Variants in TANC2 observed in about 807,000 individuals in gnomAD.
The protein encoded by TANC2 is protein TANC2.
Under a neutral mutation model 210.5 loss-of-function variants are expected in TANC2, and 26 were observed. That is an observed-to-expected ratio of 0.12 (90% CI 0.09 to 0.17). The LOEUF is 0.17. Ranked by LOEUF, TANC2 falls within the 10% of genes least tolerant of loss-of-function variation. The pLI is 1.00. For synonymous variants in TANC2, 931 were observed against 967.1 expected (o/e 0.96, Z 0.69); for missense variants, 2,129 against 2,608.9 (o/e 0.82, Z 4.01).
intron 2 of TANC2, among the ~76,000 whole-genome samples, chr17:63,067,148 CATTCATAATGTCCGG>C (rs1351717958): frequency 2.0e-5 from 3 of 152,166 alleles, no homozygotes; most frequent in African/African-American, 4.8e-5. Context: ...TAACTCAAAA[CATTCATAATGTCCGG>C]ATGCAACCAA....
intron 27 of TANC2, 47 bp from the exon 28 acceptor site, chr17:63,419,952 T>C: frequency 6.7e-7 from 1 of 1,484,358 alleles, no homozygotes; most frequent in South Asian, 1.4e-5. Flanking sequence ...GTGATTTCTC[T>C]GGATTCAGAA....
At chr17:63,343,209 A>G (rs368018872) in intron 12 of TANC2, among the ~76,000 whole-genome samples, 35 of 152,362 alleles carry the variant, frequency 2.3e-4, no homozygotes, top group East Asian at 1.7e-3. Flanking sequence ...AGACTCAACC[A>G]TATGCAGTTT....
chr17:63,080,778 T>G (rs1483691414), intron 3 of TANC2, among the ~76,000 whole-genome samples: 2 of 152,178 alleles, frequency 1.3e-5, no homozygotes, highest in African/African-American at 4.8e-5. Flanking sequence ...ATTTCAATAT[T>G]CAGTGTATTA....
rs761061004 is a variant in TANC2 at position 63,389,290 on chromosome 17, C to G, written c.2815-18C>G. On this transcript the variant is annotated intron_variant, in intron 16 of 27. Transcript: ENST00000689528. ...ACTCCTGTTTGTCTAATTATTAGTT[C>G]TGTTTGTTTATTTCTAGGTCAGCCG... 8.2e-6 allele frequency: 13 copies of G among 1,587,358 alleles called. No individual in the cohort carries two copies.
chr17:63,167,546 T>G (rs566455266), intron 5 of TANC2, among the ~76,000 whole-genome samples: 3 of 152,232 alleles, frequency 2.0e-5, no homozygotes, highest in African/African-American at 7.2e-5. Context: ...CATGCCCTTT[T>G]AAAAAACTGA....
intron 8 of TANC2, among the ~76,000 whole-genome samples, chr17:63,261,851 A>G (rs1266778653): frequency 6.6e-6 from 1 of 152,186 alleles, no homozygotes; most frequent in Non-Finnish European, 1.5e-5. Flanking sequence ...AACAAGATGG[A>G]AGTATCTTTC....
intron 5 of TANC2, chr17:63,182,825 T>C (rs1598550155): frequency 6.6e-6 from 1 of 152,456 alleles, no homozygotes; most frequent in African/African-American, 2.4e-5. Flanking sequence ...AGAGTCGAAG[T>C]GCTTACCGAT....
At chr17:63,237,384 A>G (rs918682433) in intron 7 of TANC2, among the ~76,000 whole-genome samples, 1 of 152,036 alleles carries the variant, frequency 6.6e-6, no homozygotes, top group Non-Finnish European at 1.5e-5. Context: ...TGTCAGATGT[A>G]TAGTTTGCAT....
chr17:63,420,005 C>A lies in TANC2; in HGVS notation c.4275C>A (p.Phe1425Leu). 1 of 1,539,282 alleles carries A rather than the reference C, an allele frequency of 6.5e-7. No homozygotes were observed. Reference sequence around the variant, plus strand: ...TTCACATTTTGTCAAGCAGACAGTTCGCAGCAGCCTTAGAGGACCTGAACG... The same window carrying A: ...TTCACATTTTGTCAAGCAGACAGTTAGCAGCAGCCTTAGAGGACCTGAACG... Residue 1425 changes from phenylalanine to leucine, a missense_variant, in exon 28 of 28, where the codon TTC (phenylalanine) becomes TTA (leucine). This residue lies in a region of TANC2 where 644 missense variants were observed against 937.5 expected (regional missense o/e 0.69). Coordinates refer to ENST00000689528, the Ensembl canonical transcript of TANC2. The surrounding 1 kb of genome is among the most constrained non-coding windows in gnomAD (Gnocchi z 4.2).
chr17:63,113,302 GC>G (rs1335055596), intron 4 of TANC2, among the ~76,000 whole-genome samples: 1 of 152,040 alleles, frequency 6.6e-6, no homozygotes, highest in African/African-American at 2.4e-5. Flanking sequence ...TTGACATTCA[GC>G]CCATAAGAGT....
At chr17:63,237,852 A>C (rs564167660) in exon 8 of TANC2, 2 of 1,552,040 alleles carry the variant, frequency 1.3e-6, no homozygotes, top group African/African-American at 2.7e-5. Context: ...GGAACGCACA[A>C]AATATGCTGG....
intron 2 of TANC2, among the ~76,000 whole-genome samples, chr17:63,030,678 T>C (rs1004591365): frequency 1.8e-4 from 28 of 151,890 alleles, no homozygotes; most frequent in African/African-American, 5.8e-4. Context: ...AATGTTGTTA[T>C]TGAGATTCAT....
chr17:63,012,846 A>G (rs1289460313), intron 2 of TANC2, among the ~76,000 whole-genome samples: 1 of 151,860 alleles, frequency 6.6e-6, no homozygotes, highest in Non-Finnish European at 1.5e-5. Flanking sequence ...TAGAGATGAG[A>G]TCTCGTTATG....
rs947330568 is a variant in TANC2 at position 63,106,233 on chromosome 17, A to G, written c.322+6876A>G. ...GGGTTATTACTTAATTCAATATAAT[A>G]ATTTCAATTATCATGAGTCAGTATT... is the stretch of plus-strand genomic sequence containing the variant. On this transcript the variant is annotated intron_variant, in intron 4 of 27. Transcript: ENST00000689528. Among the ~76,000 whole-genome samples the G allele has an allele frequency of 1.3e-5, 2 of 151,696 alleles. 1 individual carries two copies. Among genetic ancestry groups the G allele is most frequent in the Non-Finnish European group, 2.9e-5 (2 of 68,032 alleles).
At chr17:63,049,256 G>A (rs1018621955) in intron 2 of TANC2, among the ~76,000 whole-genome samples, 3 of 152,078 alleles carry the variant, frequency 2.0e-5, no homozygotes, top group African/African-American at 7.2e-5. Context: ...ATATTCTAGT[G>A]GGTGAAGATG....
intron 5 of TANC2, among the ~76,000 whole-genome samples, chr17:63,159,873 A>G (rs982695058): frequency 2.0e-5 from 3 of 152,230 alleles, no homozygotes; most frequent in Admixed American, 1.3e-4. Flanking sequence ...CCATAACAAA[A>G]TACCATAGAT....
chr17:63,402,336 T>C (rs1361914428), intron 19 of TANC2, among the ~76,000 whole-genome samples: 1 of 152,226 alleles, frequency 6.6e-6, no homozygotes, highest in African/African-American at 2.4e-5. Context: ...ATCTCCATTG[T>C]GCATATCACA....
intron 2 of TANC2, among the ~76,000 whole-genome samples, chr17:63,071,119 T>G (rs1374145138): frequency 6.6e-6 from 1 of 152,208 alleles, no homozygotes; most frequent in Non-Finnish European, 1.5e-5. Context: ...TTTTACTTAC[T>G]TCTTTTCTTG....
chr17:63,237,774 A>G, intron 7 of TANC2, 40 bp from the exon 8 acceptor site: 1 of 1,503,256 alleles, frequency 6.7e-7, no homozygotes, highest in Non-Finnish European at 8.9e-7. Context: ...AACTGTATGT[A>G]TGTGGCTTTA....
Sources: allele counts gnomAD v4.1 joint callset (sites outside exome capture counted in the v4.1 genomes callset), GRCh38; gene constraint gnomAD v4.1.1; regional missense constraint gnomAD v4.1.1; non-coding constraint Gnocchi (gnomAD v3.1); transcripts MANE v1.5; gene names NCBI Gene and HGNC (gene_info 2026-07-23, HGNC 2026-07-21).